The following CORO2B variants were observed in gnomAD, a reference collection of about 807,000 sequenced individuals.
CORO2B encodes coronin-2B.
Under a neutral mutation model 58.8 loss-of-function variants are expected in CORO2B, and 26 were observed. The observed-to-expected ratio is 0.44, with a 90% CI of 0.32 to 0.61. CORO2B has a LOEUF of 0.61. Ranked by LOEUF, CORO2B falls within the 20% of genes least tolerant of loss-of-function variation. The pLI, the probability that CORO2B is intolerant of heterozygous loss-of-function variation, is 0.04. For synonymous variants in CORO2B, 242 were observed against 253.8 expected (o/e 0.95, Z 0.44); for missense variants, 460 against 645.1 (o/e 0.71, Z 3.11).
At chr15:68,717,955 C>T (rs575377169) in intron 8 of CORO2B, among the ~76,000 whole-genome samples, 2 of 152,322 alleles carry the variant, frequency 1.3e-5, no homozygotes, top group South Asian at 2.1e-4. Flanking sequence ...CTCCTCGAAC[C>T]AGCCAAGGAA....
At chr15:68,547,968 C>G in the CORO2B span, among the ~76,000 whole-genome samples, 3 of 151,826 alleles carry the variant, frequency 2.0e-5, no homozygotes, top group Non-Finnish European at 4.4e-5. Flanking sequence ...GTCAGGAGTT[C>G]GAGACCAACC....
Position 68,711,705 on chromosome 15 carries a change from A to G in CORO2B, c.647A>G (p.Gln216Arg). 1.2e-6 allele frequency: 2 copies of G among 1,613,964 alleles called. No individual in the cohort carries two copies. Among genetic ancestry groups the G allele is most frequent in the Non-Finnish European group, 1.7e-6 (2 of 1,179,946 alleles). The part of the protein sequence containing the change: ...VIEPRSGRVL[Q>R]EANCKNHRVN... ...GAGCCCCGCTCTGGCCGTGTTCTGC[A>G]GGTGGAACCCTACATTTTTTGAGAT... The change falls in exon 5 of 12, where the codon CAG becomes CGG. Residue 216 changes from glutamine to arginine, a missense_variant and splice_region_variant. Around this residue, in one of 2 missense-constraint regions of CORO2B, gnomAD observed 352 missense variants for 543.0 expected, o/e 0.65. Coordinates refer to ENST00000261861, the MANE Select transcript of CORO2B (RefSeq NM_006091.5).
chr15:68,663,968 G>T (rs989922196), intron 2 of CORO2B, among the ~76,000 whole-genome samples: 1 of 152,262 alleles, frequency 6.6e-6, no homozygotes, highest in Non-Finnish European at 1.5e-5. Context: ...AGTTACTACT[G>T]TACATCCACC....
rs190283620 is a variant in CORO2B at position 68,631,061 on chromosome 15, C to T, written c.16-14099C>T. Among the ~76,000 whole-genome samples the T allele has an allele frequency of 3.8e-3, 582 of 152,166 alleles. 2 individuals carry two copies. The highest frequency in any genetic ancestry group is 0.013 in the African/African-American group (556 of 41,496). The stretch of plus-strand genomic sequence containing the variant: ...GGGGTGTTCCCGTGGTGGTGCAGGG[C>T]GGTTGGGGGTAGGGGGTGCTGGGAA... On this transcript the variant is annotated intron_variant, in intron 1 of 11. Coordinates refer to ENST00000261861, the MANE Select transcript of CORO2B (RefSeq NM_006091.5).
chr15:68,590,778 A>C (rs1468983279), intron 1 of CORO2B, among the ~76,000 whole-genome samples: 1 of 152,126 alleles, frequency 6.6e-6, no homozygotes, highest in Non-Finnish European at 1.5e-5. Context: ...GGTTCCTGAG[A>C]GGCAAATGAG....
chr15:68,524,452 G>C, the CORO2B span, among the ~76,000 whole-genome samples: 1 of 152,038 alleles, frequency 6.6e-6, no homozygotes, highest in African/African-American at 2.4e-5. Context: ...TTTTTGCTGA[G>C]ATAAGATGGG....
the CORO2B span, among the ~76,000 whole-genome samples, chr15:68,543,850 G>T: frequency 3.9e-5 from 6 of 152,104 alleles, no homozygotes; most frequent in South Asian, 4.2e-4. Context: ...GCCAAACTGG[G>T]CATCACCCTG....
chr15:68,576,173 AAAAG>A (rs1555409379), upstream of CORO2B, among the ~76,000 whole-genome samples: 96 of 103,912 alleles, frequency 9.2e-4, 1 homozygote, highest in African/African-American at 3.6e-3. Context: ...AAAAAAAAAA[AAAAG>A]AAAGAAAGAA....
chr15:68,551,946 C>T, the CORO2B span, among the ~76,000 whole-genome samples: 1 of 151,540 alleles, frequency 6.6e-6, no homozygotes, highest in Non-Finnish European at 1.5e-5. Flanking sequence ...CCAGACATGG[C>T]AGCAAGGATG....
upstream of CORO2B, among the ~76,000 whole-genome samples, chr15:68,575,061 G>A (rs74020237): frequency 6.6e-6 from 1 of 152,196 alleles, no homozygotes; most frequent in Non-Finnish European, 1.5e-5. Context: ...GCCCAGACTT[G>A]AGCTGACAGC....
At chr15:68,638,175 A>G (rs1901093814) in intron 1 of CORO2B, among the ~76,000 whole-genome samples, 1 of 152,062 alleles carries the variant, frequency 6.6e-6, no homozygotes, top group Non-Finnish European at 1.5e-5. Context: ...TGGAATCCAG[A>G]ACCTCTCCCT....
At chr15:68,683,533 C>G (rs1902861751) in intron 2 of CORO2B, among the ~76,000 whole-genome samples, 1 of 152,146 alleles carries the variant, frequency 6.6e-6, no homozygotes, top group Non-Finnish European at 1.5e-5. Context: ...TGCCACTGCT[C>G]GCATTTCCAA....
At chr15:68,706,110 A>T (rs1182109080) in intron 3 of CORO2B, among the ~76,000 whole-genome samples, 2 of 152,104 alleles carry the variant, frequency 1.3e-5, no homozygotes, top group African/African-American at 4.8e-5. Context: ...CTCAGTGACG[A>T]GATATGACAC....
Position 68,695,145 on chromosome 15 carries a change from C to T in CORO2B, c.222C>T (p.Gly74=), listed in dbSNP as rs749807368. ...TCTCTCTTTCTCCTCTGCAGACAGG[C>T]AGGATTGAACCCAACTACCCCAAGG... is the stretch of plus-strand genomic sequence containing the variant. ...SFLVIPLEQT[G]RIEPNYPKVC... is the part of the protein sequence containing the mutation. Residue 74 remains glycine (G), a synonymous_variant, in exon 3 of 12, where the codon GGC becomes GGT. Coordinates refer to ENST00000261861, the MANE Select transcript of CORO2B (RefSeq NM_006091.5). 21 of 1,612,808 alleles carry T rather than the reference C, an allele frequency of 1.3e-5. No homozygotes were observed. The Admixed American group carries it at 3.2e-4, about 24-fold the overall frequency.
At chr15:68,632,291 C>T (rs1900861206) in intron 1 of CORO2B, 2 of 985,360 alleles carry the variant, frequency 2.0e-6, no homozygotes, top group Non-Finnish European at 2.4e-6. Context: ...AAAGAAGATA[C>T]AAGTTTGTTT....
intron 2 of CORO2B, among the ~76,000 whole-genome samples, chr15:68,667,373 T>C (rs1264638039): frequency 1.3e-5 from 2 of 152,224 alleles, no homozygotes; most frequent in African/African-American, 4.8e-5. Context: ...TTGCCATGTT[T>C]GAGGCAGGGG....
chr15:68,554,079 G>C, the CORO2B span, among the ~76,000 whole-genome samples: 21 of 152,214 alleles, frequency 1.4e-4, no homozygotes, highest in Non-Finnish European at 1.5e-5. Flanking sequence ...ACAGGTTGGA[G>C]AGGCGGTGAC....
chr15:68,717,032 G>A (rs1029908521), intron 8 of CORO2B, among the ~76,000 whole-genome samples: 2 of 152,126 alleles, frequency 1.3e-5, no homozygotes, highest in South Asian at 4.1e-4. Context: ...AGCCAGGTGT[G>A]GTGGCTCAAG....
At chr15:68,561,345 A>G in the CORO2B span, among the ~76,000 whole-genome samples, 13 of 150,548 alleles carry the variant, frequency 8.6e-5, no homozygotes, top group Admixed American at 2.0e-4. Context: ...CCTGCAGCTC[A>G]CTCTCCCCGG....
Sources: allele counts gnomAD v4.1 joint callset (sites outside exome capture counted in the v4.1 genomes callset), GRCh38; gene constraint gnomAD v4.1.1; regional missense constraint gnomAD v4.1.1; transcripts MANE v1.5; gene names NCBI Gene and HGNC (gene_info 2026-07-23, HGNC 2026-07-21).